Variants in ANXA11 observed in about 807,000 individuals in gnomAD.
The protein encoded by ANXA11 is 56 kDa autoantigen.
In ANXA11, 57 loss-of-function variants were observed where a neutral mutation model predicts 64.7. The ratio of observed to expected loss-of-function variants is 0.88; its 90% CI spans 0.71 to 1.10. The LOEUF (loss-of-function observed/expected upper bound fraction) is 1.10, where lower values mean the gene tolerates loss of function less well. Among genes scored for constraint, ANXA11 ranks in the 50% least tolerant of loss-of-function variants. The pLI, the probability that ANXA11 is intolerant of heterozygous loss-of-function variation, is 0.00. For missense variants in ANXA11, 675 were observed against 670.7 expected (o/e 1.01, Z -0.07); for synonymous variants, 260 against 265.2 (o/e 0.98, Z 0.19).
chr10:80,166,027 T>TGC (rs1240824454), intron 8 of ANXA11, 57 bp downstream of exon 8: 2 of 994,922 alleles, frequency 2.0e-6, no homozygotes, highest in Non-Finnish European at 3.0e-6. Flanking sequence ...CATGCGCGCG[T>TGC]GCGCACACAC....
At chr10:80,170,983 G>C (rs1401390525) in intron 3 of ANXA11, 68 bp from the exon 4 acceptor site, 1 of 1,529,402 alleles carries the variant, frequency 6.5e-7, no homozygotes, top group Non-Finnish European at 8.8e-7. Flanking sequence ...GCAGAGATGA[G>C]AGCTCCCAGG....
chr10:80,164,435 G>A (rs1378830280), intron 8 of ANXA11, among the ~76,000 whole-genome samples: 1 of 152,224 alleles, frequency 6.6e-6, no homozygotes, highest in Admixed American at 6.5e-5. Flanking sequence ...AGGCCACACA[G>A]TAAATGGTTG....
At chr10:80,200,916 T>C (rs139992493) in intron 1 of ANXA11, among the ~76,000 whole-genome samples, 8 of 152,276 alleles carry the variant, frequency 5.3e-5, no homozygotes, top group African/African-American at 1.7e-4. Flanking sequence ...AGCAAACCCT[T>C]GCAGGTACCT....
At chr10:80,186,235 AAG>A (rs1846531876) in intron 1 of ANXA11, among the ~76,000 whole-genome samples, 2 of 151,840 alleles carry the variant, frequency 1.3e-5, no homozygotes, top group Non-Finnish European at 2.9e-5. Flanking sequence ...CAAAATAAGA[AAG>A]AGAGGACCCT....
At chr10:80,186,262 T>C (rs1031301721) in intron 1 of ANXA11, among the ~76,000 whole-genome samples, 7 of 147,392 alleles carry the variant, frequency 4.7e-5, no homozygotes, top group African/African-American at 1.8e-4. Context: ...TATTTGATAA[T>C]GCCCAGGATG....
At chr10:80,193,639 T>C (rs1846865129) in intron 1 of ANXA11, among the ~76,000 whole-genome samples, 1 of 151,440 alleles carries the variant, frequency 6.6e-6, no homozygotes, top group African/African-American at 2.4e-5. Context: ...AGGCCAGGAG[T>C]TCGAGACCAG....
At chr10:80,174,568 T>C (rs2819952) in intron 2 of ANXA11, among the ~76,000 whole-genome samples, 95,665 of 151,476 alleles carry the variant, frequency 0.63, 31,222 homozygotes, top group African/African-American at 0.8. Flanking sequence ...TGAGCCACCA[T>C]GCCTGGCCTA....
chr10:80,202,888 A>C (rs1213780007), intron 1 of ANXA11, among the ~76,000 whole-genome samples: 1 of 152,080 alleles, frequency 6.6e-6, no homozygotes, highest in Non-Finnish European at 1.5e-5. Context: ...TCTACTAAAA[A>C]TACAAAAATT....
At chr10:80,155,974 G>T in intron 15 of ANXA11, 62 bp from the exon 16 acceptor site, 1 of 1,541,240 alleles carries the variant, frequency 6.5e-7, no homozygotes, top group Non-Finnish European at 9.0e-7. Context: ...AGCCTTCTGG[G>T]TCCTGATATT....
rs1845781528 is a variant in ANXA11 at position 80,167,217 on chromosome 10, G to A, written c.649+9C>T. 3.7e-6 allele frequency: 6 copies of A among 1,613,300 alleles called. No individual in the cohort carries two copies. Among genetic ancestry groups the A allele is most frequent in the Non-Finnish European group, 5.1e-6 (6 of 1,179,578 alleles). Reference sequence around the variant, plus strand: ...GGGAGTAGGATTTGAGCCACCCAGGGTCTCTTACCGAAGCCTTTCATGGCC... The same window carrying A: ...GGGAGTAGGATTTGAGCCACCCAGGATCTCTTACCGAAGCCTTTCATGGCC... On this transcript the variant is annotated intron_variant, in intron 6 of 15. Coordinates refer to ENST00000422982, the MANE Select transcript of ANXA11 (RefSeq NM_145868.2).
At chr10:80,201,955 C>A (rs61860052) in intron 1 of ANXA11, among the ~76,000 whole-genome samples, 9,707 of 152,218 alleles carry the variant, frequency 0.064, 457 homozygotes, top group Non-Finnish European at 0.092. Context: ...ACTTCCTTCT[C>A]AATTTCCTTT....
In ANXA11 at chr10:80,171,998, G is replaced by A. The variant is rs192127881; in HGVS notation, c.55+809C>T. On this transcript the variant is annotated intron_variant, in intron 3 of 15. Transcript: ENST00000422982. ...TCTTCACCTGCTGAATGGGAGGGAAGGTAAATGGCCTGCAGGTCTGGGGTG... is the reference window on the plus strand; with the variant it reads ...TCTTCACCTGCTGAATGGGAGGGAAAGTAAATGGCCTGCAGGTCTGGGGTG... The A allele has an allele frequency of 1.0e-5, 9 of 861,404 alleles. No individual in the cohort carries two copies. In the East Asian group the frequency reaches 8.6e-4, roughly 82 times the overall value. 53.4% of individuals were successfully genotyped at this position (861,404 alleles called of 1,614,324 possible). A position where few individuals can be genotyped will look rare whatever the true frequency, so the allele number is the denominator to read the frequency against.
At chr10:80,164,424 G>C (rs761016161) in intron 8 of ANXA11, among the ~76,000 whole-genome samples, 2 of 152,192 alleles carry the variant, frequency 1.3e-5, no homozygotes, top group Non-Finnish European at 2.9e-5. Flanking sequence ...TGGCTGGTCC[G>C]AGGCCACACA....
In ANXA11 at chr10:80,157,979, G is replaced by A. The variant is rs1461334721; in HGVS notation, c.1323C>T (p.Asn441=). 1 of 1,614,068 alleles carries A rather than the reference G, an allele frequency of 6.2e-7. No homozygotes were observed. ...NTPAFFAERL[N]KAMRGAGTKD... ...GGAAGTTACATACCCTCATGGCCTT[G>A]TTGAGCCTCTCCGCAAAGAAGGCTG... The change falls in exon 14 of 16, where the codon AAC becomes AAT. Residue 441 remains asparagine (N), a synonymous_variant. Coordinates refer to ENST00000422982, the MANE Select transcript of ANXA11 (RefSeq NM_145868.2).
chr10:80,175,880 A>C (rs1846150703), intron 2 of ANXA11, among the ~76,000 whole-genome samples: 1 of 152,028 alleles, frequency 6.6e-6, no homozygotes, highest in Non-Finnish European at 1.5e-5. Context: ...ATGGTGAAAC[A>C]CTGTCTCTAC....
intron 1 of ANXA11, among the ~76,000 whole-genome samples, chr10:80,189,511 A>G (rs1846679889): frequency 6.6e-6 from 1 of 152,250 alleles, no homozygotes; most frequent in Admixed American, 6.5e-5. Context: ...CATACGATCC[A>G]GCAATCTCAC....
chr10:80,178,053 C>T (rs2132443049), intron 1 of ANXA11, among the ~76,000 whole-genome samples: 1 of 152,308 alleles, frequency 6.6e-6, no homozygotes, highest in African/African-American at 2.4e-5. Context: ...GAGGCTACCG[C>T]AAGGGGCTGT....
chr10:80,166,042 GCACACACACA>G (rs56904277), intron 8 of ANXA11, 32 bp downstream of exon 8: 140 of 451,896 alleles, frequency 3.1e-4, no homozygotes, highest in African/African-American at 5.6e-4. Flanking sequence ...ACACACGCGC[GCACACACACA>G]CACACACACA....
At position 80,157,754 on chromosome 10, in the gene ANXA11, T is replaced by C; in HGVS notation, c.1345A>G (p.Thr449Ala). 6.2e-7 allele frequency: 1 copy of C among 1,613,442 alleles called. No individual in the cohort carries two copies. Among genetic ancestry groups the C allele is most frequent in the Non-Finnish European group, 8.5e-7 (1 of 1,179,644 alleles). The change falls in exon 15 of 16, where the codon ACA becomes GCA. Residue 449 changes from threonine to alanine, a missense_variant. By Grantham distance (58) the Thr-to-Ala change is moderately conservative. Transcript: ENST00000422982. ...ATGCGAATCAGGGTCCGGTCCTTTG[T>C]TCCTGCCCCCTAAAGAGAGTCCACC... ...RLNKAMRGAG[T>A]KDRTLIRIMV...
Sources: gnomAD v4.1 joint callset for allele counts (sites outside exome capture counted in the v4.1 genomes callset) on GRCh38, gnomAD v4.1.1 for gene constraint, MANE v1.5 for transcripts, NCBI Gene and HGNC (gene_info 2026-07-23, HGNC 2026-07-21) for gene names.